EPHB3: variants seen among roughly 807,000 people sequenced by gnomAD.
The protein encoded by EPHB3 is EPH receptor B3, also known as ephrin type-B receptor 3.
EPHB3 carries 33 observed loss-of-function variants against 100.2 expected under a neutral mutation model. That is an observed-to-expected ratio of 0.33 (90% confidence interval 0.25 to 0.44). EPHB3 has a LOEUF of 0.44. Among genes scored for constraint, EPHB3 ranks in the 20% least tolerant of loss-of-function variants. The pLI, the probability that EPHB3 is intolerant of heterozygous loss-of-function variation, is 1.00. For synonymous variants in EPHB3, 526 were observed against 554.7 expected (o/e 0.95, Z 0.73); for missense variants, 1,045 against 1,378.3 (o/e 0.76, Z 3.83).
Position 184,580,446 on chromosome 3 carries a change from G to A in EPHB3, c.2217G>A (p.Leu739=), listed in dbSNP as rs1191657264. The change falls in exon 12 of 16, where the codon TTG becomes TTA. Residue 739 remains leucine (L), a synonymous_variant. Coordinates refer to ENST00000330394, the MANE Select transcript of EPHB3 (RefSeq NM_004443.4). The part of the protein sequence containing the change: ...QFTVIQLVGM[L]RGIAAGMKYL... Reference sequence around the variant, plus strand: ...CGGTCATCCAGCTGGTGGGCATGTTGCGGGGCATTGCTGCCGGCATGAAGT... The same window carrying A: ...CGGTCATCCAGCTGGTGGGCATGTTACGGGGCATTGCTGCCGGCATGAAGT... The A allele has an allele frequency of 1.2e-5, 20 of 1,614,210 alleles. No individual in the cohort carries two copies. The highest frequency in any genetic ancestry group is 1.6e-5 in the Non-Finnish European group (19 of 1,180,038).
chr3:184,579,983 G>A lies in EPHB3; in HGVS notation c.2172+49G>A. 1 of 1,581,460 alleles carries A rather than the reference G, an allele frequency of 6.3e-7. No homozygotes were observed. The highest frequency in any genetic ancestry group is 2.2e-5 in the East Asian group (1 of 44,636). ...CTCCCTCCCCCAGAGAGTTGGATTGGGCTCACCATCCCCTCCCACAAGTCA... is the reference window on the plus strand; with the variant it reads ...CTCCCTCCCCCAGAGAGTTGGATTGAGCTCACCATCCCCTCCCACAAGTCA... On this transcript the variant is annotated intron_variant, in intron 11 of 15. Transcript: ENST00000330394. This position sits in a 1 kb window ranked among gnomAD's most constrained non-coding sequence, Gnocchi z 5.2.
At chr3:184,581,189 C>T (rs780650804) in intron 14 of EPHB3, 24 bp downstream of exon 14, 31 of 1,611,144 alleles carry the variant, frequency 1.9e-5, no homozygotes, top group Non-Finnish European at 2.4e-5. Flanking sequence ...CCTCTGCTCC[C>T]GCCAAGCCAG....
In EPHB3 at chr3:184,571,506, C is replaced by A; in HGVS notation, c.183+124C>A. 1 of 952,364 alleles carries A rather than the reference C, an allele frequency of 1.1e-6. No individual in the cohort carries two copies. Among genetic ancestry groups the A allele is most frequent in the South Asian group, 1.5e-5 (1 of 68,950 alleles). 59.0% of individuals were successfully genotyped at this position (952,364 alleles called of 1,614,324 possible). On this transcript the variant is annotated intron_variant, in intron 2 of 15. Transcript: ENST00000330394. The surrounding 1 kb of genome is among the most constrained non-coding windows in gnomAD (Gnocchi z 5.0). Reference sequence around the variant, plus strand: ...GGCTGCCTCTGCCCTCTGCCTGTCACCCTCACTTCCTGTGCCATCCCCATC... The same window carrying A: ...GGCTGCCTCTGCCCTCTGCCTGTCAACCTCACTTCCTGTGCCATCCCCATC...
rs1047027158 is a variant in EPHB3, at chr3:184,568,835, C to G, written c.119-2483C>G. Among the ~76,000 whole-genome samples, 193 of 152,360 alleles carry G rather than the reference C, an allele frequency of 1.3e-3. 2 individuals carry two copies. The highest frequency in any genetic ancestry group is 4.4e-3 in the African/African-American group (185 of 41,594). The stretch of plus-strand genomic sequence containing the variant: ...CTCTTCATTAATGGGAAAAATGTGG[C>G]GAGATTGAGCGATGGCCAAGGCTGA... On this transcript the variant is annotated intron_variant, in intron 1 of 15. Transcript: ENST00000330394.
rs1008960829 is a variant in EPHB3, at chr3:184,569,187, G to T, written c.119-2131G>T. On this transcript the variant is annotated intron_variant, in intron 1 of 15. Coordinates refer to ENST00000330394, the MANE Select transcript of EPHB3 (RefSeq NM_004443.4). The surrounding 1 kb of genome is among the most constrained non-coding windows in gnomAD (Gnocchi z 5.4). ...GGCTGGAGCCCCGGCCTGCTCCGGC[G>T]GGCGGACCGGCGGGCGGACCGGCGG... is the stretch of plus-strand genomic sequence containing the variant. Among the ~76,000 whole-genome samples the T allele has an allele frequency of 1.3e-5, 2 of 151,890 alleles. No individual in the cohort carries two copies. Among genetic ancestry groups the T allele is most frequent in the Non-Finnish European group, 2.9e-5 (2 of 67,938 alleles).
Position 184,573,716 on chromosome 3 carries a change from CT to C in EPHB3, c.856+558del, listed in dbSNP as rs67295730. Among the ~76,000 whole-genome samples the C allele has an allele frequency of 0.33, 46,365 of 138,442 alleles. 7,493 individuals are homozygous for C. The highest frequency in any genetic ancestry group is 0.44 in the South Asian group (1,932 of 4,346). The allele number at this position is 138,442 out of a possible 152,430, so 90.8% of individuals were successfully genotyped here. A position where few individuals can be genotyped will look rare whatever the true frequency, so the allele number is the denominator to read the frequency against. The stretch of plus-strand genomic sequence containing the variant: ...CACTTACGTGACCTTGGGCAAGTTA[CT>C]TTTTTTTTTTTTTTTTTGAGATGGA... On this transcript the variant is annotated intron_variant, in intron 3 of 15. Transcript: ENST00000330394. This position sits in a 1 kb window ranked among gnomAD's most constrained non-coding sequence, Gnocchi z 4.5.
At chr3:184,576,663 G>A (rs1714684275) in intron 4 of EPHB3, among the ~76,000 whole-genome samples, 179 bp from the exon 5 acceptor site, 1 of 152,208 alleles carries the variant, frequency 6.6e-6, no homozygotes, top group African/African-American at 2.4e-5. Context: ...ATCACAAGCT[G>A]GGTATTGAAG....
intron 12 of EPHB3, 55 bp downstream of exon 12, chr3:184,580,672 C>A: frequency 6.2e-7 from 1 of 1,608,904 alleles, no homozygotes; most frequent in Non-Finnish European, 8.5e-7. Context: ...GCCAGGGGCT[C>A]GGGCCTGGGG....
In EPHB3 at chr3:184,562,467, C is replaced by G; in HGVS notation, c.118+114C>G. ...CGCACGTCGGAGGAGGCCCCGCCAC[C>G]GGCGCCCGCTCCGGGGCCCAGGGAT... On this transcript the variant is annotated intron_variant, in intron 1 of 15. Transcript: ENST00000330394. The surrounding 1 kb of genome is among the most constrained non-coding windows in gnomAD (Gnocchi z 4.8). 1 of 1,119,116 alleles carries G rather than the reference C, an allele frequency of 8.9e-7. No homozygotes were observed. The highest frequency in any genetic ancestry group is 1.1e-6 in the Non-Finnish European group (1 of 914,424). 69.3% of individuals were successfully genotyped at this position (1,119,116 alleles called of 1,614,324 possible). A position where few individuals can be genotyped will look rare whatever the true frequency, so the allele number is the denominator to read the frequency against.
rs115765819 is a variant in EPHB3, at chr3:184,570,707, G to A, written c.119-611G>A. Among the ~76,000 whole-genome samples the A allele has an allele frequency of 4.3e-3, 656 of 152,346 alleles. 3 individuals are homozygous for A. Among genetic ancestry groups the A allele is most frequent in the African/African-American group, 0.015 (634 of 41,582 alleles). Reference sequence around the variant, plus strand: ...CCCTTTGTTCCAGGATAAAGGCCCTGCCGGCCCCTTTGTGTGGAGATTAGC... The same window carrying A: ...CCCTTTGTTCCAGGATAAAGGCCCTACCGGCCCCTTTGTGTGGAGATTAGC... On this transcript the variant is annotated intron_variant, in intron 1 of 15. Transcript: ENST00000330394.
chr3:184,577,736 G>A lies in EPHB3; in HGVS notation c.1558G>A (p.Val520Met). 6.2e-7 allele frequency: 1 copy of A among 1,611,992 alleles called. No homozygotes were observed. Among genetic ancestry groups the A allele is most frequent in the Non-Finnish European group, 8.5e-7 (1 of 1,178,716 alleles). The change falls in exon 7 of 16, where the codon GTG (valine) becomes ATG (methionine). Residue 520 changes from valine (V) to methionine (M), a missense_variant. Coordinates refer to ENST00000330394, the MANE Select transcript of EPHB3 (RefSeq NM_004443.4). The surrounding 1 kb of genome is among the most constrained non-coding windows in gnomAD (Gnocchi z 4.9). ...CGGGCTTCGGCCTGACGCCCGCTAT[G>A]TGGTCCAGGTCCGTGCCCGCACAGT... The part of the protein sequence containing the change: ...LDGLRPDARY[V>M]VQVRARTVAG...
At position 184,561,875 on chromosome 3, in the gene EPHB3, C is replaced by G. The variant is rs1434128400; in HGVS notation, c.-361C>G. ...CGAAGCCCCGGATCCCAGTCGGGCC[C>G]GCAGCTGACCGCCAGATTACTGTGC... On this transcript the variant is annotated 5_prime_UTR_variant, in exon 1 of 16. Coordinates refer to ENST00000330394, the MANE Select transcript of EPHB3 (RefSeq NM_004443.4). 1 of 152,974 alleles carries G rather than the reference C, an allele frequency of 6.5e-6. No homozygotes were observed. Among genetic ancestry groups the G allele is most frequent in the Non-Finnish European group, 1.5e-5 (1 of 68,654 alleles). 9.5% of individuals were successfully genotyped at this position (152,974 alleles called of 1,614,324 possible).
At chr3:184,575,653 C>A (rs1460701315) in intron 3 of EPHB3, among the ~76,000 whole-genome samples, 177 bp from the exon 4 acceptor site, 1 of 152,128 alleles carries the variant, frequency 6.6e-6, no homozygotes, top group East Asian at 1.9e-4. Context: ...TTCCATGGGG[C>A]AATAGGGCCT....
chr3:184,580,421 C>T lies in EPHB3; in HGVS notation c.2192C>T (p.Thr731Met), dbSNP rs1261462043. Residue 731 changes from threonine to methionine, a missense_variant, in exon 12 of 16, where the codon ACG becomes ATG. Thr to Met is a moderately conservative substitution (Grantham distance 81). Transcript: ENST00000330394. ...CTGCAGCTCAACGATGGGCAGTTCACGGTCATCCAGCTGGTGGGCATGTTG... is the reference window on the plus strand; with the variant it reads ...CTGCAGCTCAACGATGGGCAGTTCATGGTCATCCAGCTGGTGGGCATGTTG... ...SFLRLNDGQF[T>M]VIQLVGMLRG... 3.1e-6 allele frequency: 5 copies of T among 1,614,088 alleles called. No homozygotes were observed. Among genetic ancestry groups the T allele is most frequent in the East Asian group, 2.2e-5 (1 of 44,896 alleles).
At position 184,578,169 on chromosome 3, in the gene EPHB3, C is replaced by G. The variant is rs1052782375; in HGVS notation, c.1748+163C>G. 14 of 888,256 alleles carry G rather than the reference C, an allele frequency of 1.6e-5. No homozygotes were observed. Among genetic ancestry groups the G allele is most frequent in the Non-Finnish European group, 2.4e-5 (14 of 594,600 alleles). The allele number at this position is 888,256 out of a possible 1,614,324, so 55.0% of individuals were successfully genotyped here. On this transcript the variant is annotated intron_variant, in intron 8 of 15. Coordinates refer to ENST00000330394, the MANE Select transcript of EPHB3 (RefSeq NM_004443.4). The surrounding 1 kb of genome is among the most constrained non-coding windows in gnomAD (Gnocchi z 4.7). ...TGGAGAAGCCCTCTCCCATCCCTGC[C>G]TGTGTCTTCATCCCGCCCTTTCTCC...
rs2108433318 is a variant in EPHB3 at position 184,563,866 on chromosome 3, CTATG to C, written c.118+1515_118+1518del. On this transcript the variant is annotated intron_variant, in intron 1 of 15. Transcript: ENST00000330394. This position sits in a 1 kb window ranked among gnomAD's most constrained non-coding sequence, Gnocchi z 4.1. ...CACACACACTCATACACTTACGGGG[CTATG>C]TGTCACCTGTGTGTGTCGGGCCACA... Among the ~76,000 whole-genome samples, 1 of 152,352 alleles carries C rather than the reference CTATG, an allele frequency of 6.6e-6. No homozygotes were observed. The highest frequency in any genetic ancestry group is 1.9e-4 in the East Asian group (1 of 5,190).
rs1220458388 is a variant in EPHB3, at chr3:184,561,837, C to G, written c.-399C>G. 24 of 152,654 alleles carry G rather than the reference C, an allele frequency of 1.6e-4. No homozygotes were observed. Among genetic ancestry groups the G allele is most frequent in the Admixed American group, 1.6e-3 (24 of 15,288 alleles). The allele number at this position is 152,654 out of a possible 1,614,324, so 9.5% of individuals were successfully genotyped here. A position where few individuals can be genotyped will look rare whatever the true frequency, so the allele number is the denominator to read the frequency against. ...GCAAGATCCCAGCTCGGACCCCGGA[C>G]GGCGCGCGCCCCCGAAGCCCCGGAT... On this transcript the variant is annotated 5_prime_UTR_variant, in exon 1 of 16. Transcript: ENST00000330394.
At chr3:184,568,229 G>A (rs1714444431) in intron 1 of EPHB3, among the ~76,000 whole-genome samples, 1 of 152,160 alleles carries the variant, frequency 6.6e-6, no homozygotes, top group African/African-American at 2.4e-5. Context: ...GAGCATCAAA[G>A]CTCCAGTCCC....
At chr3:184,566,318 C>T (rs1714384109) in intron 1 of EPHB3, among the ~76,000 whole-genome samples, 1 of 152,238 alleles carries the variant, frequency 6.6e-6, no homozygotes, top group East Asian at 1.9e-4. Context: ...CCCTTCTTCT[C>T]CCTCTCAGGT....
Sources: allele counts gnomAD v4.1 joint callset (sites outside exome capture counted in the v4.1 genomes callset), GRCh38; gene constraint gnomAD v4.1.1; non-coding constraint Gnocchi (gnomAD v3.1); transcripts MANE v1.5; gene names NCBI Gene and HGNC (gene_info 2026-07-23, HGNC 2026-07-21).